TTC7B: variants seen among roughly 807,000 people sequenced by gnomAD.
The protein encoded by TTC7B is tetratricopeptide repeat protein 7B.
In TTC7B, 28 loss-of-function variants were observed where a neutral mutation model predicts 106.8. The observed-to-expected ratio is 0.26, with a 90% CI of 0.19 to 0.36. TTC7B has a LOEUF of 0.36. Ranked by LOEUF, TTC7B falls within the 10% of genes least tolerant of loss-of-function variation. The pLI, the probability that TTC7B is intolerant of heterozygous loss-of-function variation, is 1.00. For synonymous variants in TTC7B, 405 were observed against 430.6 expected (o/e 0.94, Z 0.74); for missense variants, 862 against 1,076.4 (o/e 0.80, Z 2.79).
intron 19 of TTC7B, among the ~76,000 whole-genome samples, chr14:90,561,308 G>A (rs1442177140): frequency 2.0e-5 from 3 of 152,236 alleles, no homozygotes; most frequent in Non-Finnish European, 4.4e-5. Flanking sequence ...GAACTGGCAA[G>A]GGTGGACCCC....
rs895732898 is a variant in TTC7B at position 90,742,232 on chromosome 14, CTTCT to C, written c.576+2556_576+2559del. On this transcript the variant is annotated intron_variant, in intron 4 of 19. Coordinates refer to ENST00000328459, the MANE Select transcript of TTC7B (RefSeq NM_001010854.2). This position sits in a 1 kb window ranked among gnomAD's most constrained non-coding sequence, Gnocchi z 4.1. The stretch of plus-strand genomic sequence containing the variant: ...GTTTCGTTTCATTTCGTTTCGTTCG[CTTCT>C]TTCTTTCTTCCTTTCTTTCTTTTTT... Among the ~76,000 whole-genome samples the C allele has an allele frequency of 1.1e-4, 16 of 151,894 alleles. No homozygotes were observed. The highest frequency in any genetic ancestry group is 9.9e-4 in the Admixed American group (15 of 15,228).
At chr14:90,786,996 G>A (rs187540083) in intron 1 of TTC7B, among the ~76,000 whole-genome samples, 13 of 152,276 alleles carry the variant, frequency 8.5e-5, no homozygotes, top group Admixed American at 2.0e-4. Context: ...CCAGTGTTAC[G>A]TATTTTCAAG....
intron 9 of TTC7B, among the ~76,000 whole-genome samples, chr14:90,659,763 G>T (rs754851624): frequency 6.6e-6 from 1 of 152,056 alleles, no homozygotes. Flanking sequence ...TGGAGATGAG[G>T]TATGAAGGAA....
Position 90,568,418 on chromosome 14 carries a change from C to T in TTC7B, c.2310+9688G>A, listed in dbSNP as rs373677810. On this transcript the variant is annotated intron_variant, in intron 19 of 19. Transcript: ENST00000328459. ...TGTCAGATTTTAAATGATTTTAGAT[C>T]ATAATTACTAATGACAGACTGAACT... Among the ~76,000 whole-genome samples, 25 of 152,302 alleles carry T rather than the reference C, an allele frequency of 1.6e-4. No individual in the cohort carries two copies. In the East Asian group the frequency reaches 2.3e-3, roughly 14 times the overall value.
At chr14:90,780,280 T>C (rs984224937) in intron 3 of TTC7B, among the ~76,000 whole-genome samples, 1 of 146,432 alleles carries the variant, frequency 6.8e-6, no homozygotes, top group Non-Finnish European at 1.5e-5. Context: ...ACTCGGGAGG[T>C]TGAGGCAGGA....
At position 90,541,487 on chromosome 14, in the gene TTC7B, C is replaced by T; in HGVS notation, c.2413G>A (p.Gly805Ser). 1.2e-6 allele frequency: 2 copies of T among 1,614,096 alleles called. No individual in the cohort carries two copies. Among genetic ancestry groups the T allele is most frequent in the South Asian group, 1.1e-5 (1 of 91,080 alleles). The part of the protein sequence containing the change: ...STAHEVWNGL[G>S]EVLQAQGNDA... ...TTGCCCTGAGCTTGGAGGACCTCGC[C>T]CAGCCCGTTCCAGACCTCGTGGGCT... The change falls in exon 20 of 20, where the codon GGC becomes AGC. Residue 805 changes from glycine (G) to serine (S), a missense_variant. By Grantham distance (56) the Gly-to-Ser change is moderately conservative. Coordinates refer to ENST00000328459, the MANE Select transcript of TTC7B (RefSeq NM_001010854.2).
rs746594419 is a variant in TTC7B, at chr14:90,689,579, T to C, written c.911A>G (p.Tyr304Cys). Residue 304 changes from tyrosine (Y) to cysteine (C), a missense_variant, in exon 7 of 20, where the codon TAC (tyrosine) becomes TGC (cysteine). Coordinates refer to ENST00000328459, the MANE Select transcript of TTC7B (RefSeq NM_001010854.2). ...GACACGGGCTCTCCGAGTGAGAGTGTAGGTTTTTGTGTTTGCTCCTTTGCG... is the reference window on the plus strand; with the variant it reads ...GACACGGGCTCTCCGAGTGAGAGTGCAGGTTTTTGTGTTTGCTCCTTTGCG... ...PLRKGANTKTYTLTRRARVYS... is the reference protein window; with the variant it reads ...PLRKGANTKTCTLTRRARVYS... 1.2e-6 allele frequency: 2 copies of C among 1,614,156 alleles called. No individual in the cohort carries two copies. The highest frequency in any genetic ancestry group is 1.1e-5 in the South Asian group (1 of 91,080).
At position 90,593,646 on chromosome 14, in the gene TTC7B, A is replaced by G. The variant is rs1566788177; in HGVS notation, c.1967-20T>C. The G allele has an allele frequency of 1.3e-6, 2 of 1,567,126 alleles. No homozygotes were observed. Among genetic ancestry groups the G allele is most frequent in the Non-Finnish European group, 8.7e-7 (1 of 1,152,758 alleles). The stretch of plus-strand genomic sequence containing the variant: ...CGGAGCCTGTGAGAGGTTTTTGAGA[A>G]GACTCTATCAGGAGCGAAAGAACAG... On this transcript the variant is annotated intron_variant, in intron 17 of 19. Coordinates refer to ENST00000328459, the MANE Select transcript of TTC7B (RefSeq NM_001010854.2).
intron 5 of TTC7B, among the ~76,000 whole-genome samples, chr14:90,717,135 C>T (rs1460167821): frequency 6.6e-6 from 1 of 152,090 alleles, no homozygotes; most frequent in Admixed American, 6.5e-5. Flanking sequence ...GTCAGGTGAT[C>T]GAGACCATCC....
chr14:90,800,607 C>A (rs1043189634), intron 1 of TTC7B, among the ~76,000 whole-genome samples: 2 of 151,428 alleles, frequency 1.3e-5, no homozygotes, highest in Admixed American at 6.6e-5. Flanking sequence ...GTCAGGAGAT[C>A]GAGACCATCC....
In TTC7B at chr14:90,623,624, G is replaced by C. The variant is rs193043372; in HGVS notation, c.1752-5579C>G. 4.3e-4 allele frequency among the ~76,000 whole-genome samples: 65 copies of C among 152,320 alleles called. No individual in the cohort carries two copies. In the East Asian group the frequency reaches 0.012, roughly 28 times the overall value. The stretch of plus-strand genomic sequence containing the variant: ...CTATTGGGCAGGATTTCTAGTTTTG[G>C]GCCAGATGATGGCCCTGAAACTTGA... On this transcript the variant is annotated intron_variant, in intron 15 of 19. Coordinates refer to ENST00000328459, the MANE Select transcript of TTC7B (RefSeq NM_001010854.2).
chr14:90,541,247 A>T lies in TTC7B; in HGVS notation c.*121T>A. On this transcript the variant is annotated 3_prime_UTR_variant, in exon 20 of 20. Transcript: ENST00000328459. ...TGGTTTGGTTGGTTCACTGTGGCCC[A>T]CTGAACACTCGTCCCTGGCCTCAGT... 1.1e-6 allele frequency: 1 copy of T among 919,948 alleles called. No homozygotes were observed. 57.0% of individuals were successfully genotyped at this position (919,948 alleles called of 1,614,324 possible). A position where few individuals can be genotyped will look rare whatever the true frequency, so the allele number is the denominator to read the frequency against.
chr14:90,635,676 C>A (rs780194340), intron 15 of TTC7B, among the ~76,000 whole-genome samples: 1 of 149,872 alleles, frequency 6.7e-6, no homozygotes, highest in African/African-American at 2.5e-5. Context: ...AGGAGGATGG[C>A]GTGAACCCAG....
At chr14:90,560,904 C>T (rs74967657) in intron 19 of TTC7B, among the ~76,000 whole-genome samples, 83 of 152,284 alleles carry the variant, frequency 5.5e-4, no homozygotes, top group African/African-American at 2.0e-3. Flanking sequence ...TATCAGGCAG[C>T]AGGTAAAGAA....
At chr14:90,556,356 G>T (rs751597975) in intron 19 of TTC7B, among the ~76,000 whole-genome samples, 7 of 152,150 alleles carry the variant, frequency 4.6e-5, no homozygotes, top group Non-Finnish European at 8.8e-5. Context: ...GTGAGTTTTA[G>T]CTCAGAGGCT....
chr14:90,729,273 A>C (rs1024216010), intron 5 of TTC7B, among the ~76,000 whole-genome samples: 1 of 152,238 alleles, frequency 6.6e-6, no homozygotes, highest in African/African-American at 2.4e-5. Flanking sequence ...GCTCTTAAAA[A>C]TGAAGAGGGA....
intron 4 of TTC7B, among the ~76,000 whole-genome samples, chr14:90,736,704 G>A (rs187893721): frequency 6.6e-6 from 1 of 151,936 alleles, no homozygotes; most frequent in Non-Finnish European, 1.5e-5. Flanking sequence ...GGGCAACAAA[G>A]TGAGAACCTG....
At chr14:90,769,312 A>T (rs1455409010) in intron 3 of TTC7B, among the ~76,000 whole-genome samples, 1 of 152,264 alleles carries the variant, frequency 6.6e-6, no homozygotes, top group Non-Finnish European at 1.5e-5. Flanking sequence ...TACAGAAGTA[A>T]GTCCCTTATC....
intron 18 of TTC7B, among the ~76,000 whole-genome samples, chr14:90,583,016 A>G (rs564387406): frequency 1.1e-4 from 17 of 152,320 alleles, no homozygotes; most frequent in African/African-American, 3.6e-4. Context: ...CGAGGCCACA[A>G]GTATTGATTA....
Sources: gnomAD v4.1 joint callset for allele counts (sites outside exome capture counted in the v4.1 genomes callset) on GRCh38, gnomAD v4.1.1 for gene constraint, Gnocchi (gnomAD v3.1) non-coding constraint, MANE v1.5 for transcripts, NCBI Gene and HGNC (gene_info 2026-07-23, HGNC 2026-07-21) for gene names.